The following FLRT2 variants were observed in gnomAD, a reference collection of about 807,000 sequenced individuals.
FLRT2 encodes the protein leucine-rich repeat transmembrane protein FLRT2.
FLRT2 carries 15 observed loss-of-function variants against 40.0 expected under a neutral mutation model. The ratio of observed to expected loss-of-function variants is 0.38; its 90% CI spans 0.25 to 0.58. The LOEUF is 0.58. Among genes scored for constraint, FLRT2 ranks in the 20% least tolerant of loss-of-function variants. FLRT2 has a pLI of 0.71. For synonymous variants in FLRT2, 380 were observed against 336.8 expected, an observed-to-expected ratio of 1.13 and a Z score of -1.41; for missense variants, 726 against 840.0, an observed-to-expected ratio of 0.86 and a Z score of 1.68.
At position 85,643,803 on chromosome 14, in the gene FLRT2, G is replaced by T. The variant is rs1347718178; in HGVS notation, c.*20306G>T. On this transcript the variant is annotated 3_prime_UTR_variant, in exon 2 of 2. Coordinates refer to ENST00000330753, the MANE Select transcript of FLRT2 (RefSeq NM_013231.6). ...CAAAATGTGCTCCCTGTTTAAGTGG[G>T]GTTGGTGGAATCCTGGAGTGACAGA... 6.6e-6 allele frequency: 1 copy of T among 152,202 alleles called. No individual in the cohort carries two copies. Among genetic ancestry groups the T allele is most frequent in the African/African-American group, 2.4e-5 (1 of 41,436 alleles). The allele number at this position is 152,202 out of a possible 1,614,324, so 9.4% of individuals were successfully genotyped here. A position where few individuals can be genotyped will look rare whatever the true frequency, so the allele number is the denominator to read the frequency against.
At chr14:85,549,646 C>T (rs984699900) in intron 1 of FLRT2, among the ~76,000 whole-genome samples, 8 of 152,120 alleles carry the variant, frequency 5.3e-5, no homozygotes, top group African/African-American at 1.9e-4. Flanking sequence ...GCTACTTCCT[C>T]AATTTTTCAG....
rs35764416 is a variant in FLRT2, at chr14:85,636,390, G to GAAAAAAAAAAAAAAA, written c.*12897_*12911dup. The GAAAAAAAAAAAAAAA allele has an allele frequency of 2.7e-5, 2 of 75,316 alleles. No homozygotes were observed. Among genetic ancestry groups the GAAAAAAAAAAAAAAA allele is most frequent in the Non-Finnish European group, 4.9e-5 (2 of 41,150 alleles). The allele number at this position is 75,316 out of a possible 1,614,324, so 4.7% of individuals were successfully genotyped here. ...AAAATCAAAGGTGAAGTCACCTGCA[G>GAAAAAAAAAAAAAAA]AAAAAAAAAAAAAAAAAACAAAAAA... On this transcript the variant is annotated 3_prime_UTR_variant, in exon 2 of 2. Coordinates refer to ENST00000330753, the MANE Select transcript of FLRT2 (RefSeq NM_013231.6).
rs915051555 is a variant in FLRT2 at position 85,654,400 on chromosome 14, T to TA, written c.*30909dup. 5 of 152,210 alleles carry TA rather than the reference T, an allele frequency of 3.3e-5. No individual in the cohort carries two copies. Among genetic ancestry groups the TA allele is most frequent in the African/African-American group, 9.6e-5 (4 of 41,468 alleles). 9.4% of individuals were successfully genotyped at this position (152,210 alleles called of 1,614,324 possible). On this transcript the variant is annotated 3_prime_UTR_variant, in exon 2 of 2. Transcript: ENST00000330753. Reference sequence around the variant, plus strand: ...TTCATATCTCTGTGCATACTCTTAATAAAAAATGGTATAATACATTTAAGC... The same window carrying TA: ...TTCATATCTCTGTGCATACTCTTAATAAAAAAATGGTATAATACATTTAAGC...
Position 85,552,375 on chromosome 14 carries a change from G to A in FLRT2, c.-377+21841G>A, listed in dbSNP as rs188984712. Among the ~76,000 whole-genome samples, 24 of 152,278 alleles carry A rather than the reference G, an allele frequency of 1.6e-4. No homozygotes were observed. In the East Asian group the frequency reaches 4.4e-3, roughly 28 times the overall value. ...TAGCAGTAATAAAACCCCTTGAAGAGTTGCCATGAGGATTAAATAAGATAA... is the reference window on the plus strand; with the variant it reads ...TAGCAGTAATAAAACCCCTTGAAGAATTGCCATGAGGATTAAATAAGATAA... On this transcript the variant is annotated intron_variant, in intron 1 of 1. Coordinates refer to ENST00000330753, the MANE Select transcript of FLRT2 (RefSeq NM_013231.6).
At chr14:85,550,578 G>A (rs575591294) in intron 1 of FLRT2, among the ~76,000 whole-genome samples, 6 of 152,088 alleles carry the variant, frequency 3.9e-5, no homozygotes, top group African/African-American at 9.6e-5. Flanking sequence ...ATTTTTTTCC[G>A]ATGAAAACCC....
intron 1 of FLRT2, among the ~76,000 whole-genome samples, chr14:85,573,839 G>T (rs967930416): frequency 5.9e-5 from 9 of 152,218 alleles, no homozygotes; most frequent in Non-Finnish European, 1.3e-4. Context: ...AGTAAACCCT[G>T]CTTTAAGTTT....
chr14:85,588,294 T>C lies in FLRT2; in HGVS notation c.-376-32845T>C, dbSNP rs534807277. Among the ~76,000 whole-genome samples the C allele has an allele frequency of 1.7e-3, 262 of 152,238 alleles. 7 individuals carry two copies. The highest frequency in any genetic ancestry group is 2.4e-3 in the Non-Finnish European group (162 of 68,014). Reference sequence around the variant, plus strand: ...AATAATAAAAATACTTCCAATTCAATAAACATTTCAGTAACTGGATGAAGG... The same window carrying C: ...AATAATAAAAATACTTCCAATTCAACAAACATTTCAGTAACTGGATGAAGG... On this transcript the variant is annotated intron_variant, in intron 1 of 1. Coordinates refer to ENST00000330753, the MANE Select transcript of FLRT2 (RefSeq NM_013231.6).
At chr14:85,611,305 G>T (rs1440162838) in intron 1 of FLRT2, among the ~76,000 whole-genome samples, 1 of 152,148 alleles carries the variant, frequency 6.6e-6, no homozygotes, top group Non-Finnish European at 1.5e-5. Context: ...ATGAATAAAT[G>T]CATGAGAAAT....
At chr14:85,560,026 T>C (rs1890208759) in intron 1 of FLRT2, among the ~76,000 whole-genome samples, 1 of 152,198 alleles carries the variant, frequency 6.6e-6, no homozygotes, top group Non-Finnish European at 1.5e-5. Context: ...AATCTGTTAA[T>C]GCTATTTTGT....
In FLRT2 at chr14:85,639,264, C is replaced by T. The variant is rs565394487; in HGVS notation, c.*15767C>T. 6.6e-6 allele frequency: 1 copy of T among 152,208 alleles called. No individual in the cohort carries two copies. The highest frequency in any genetic ancestry group is 2.1e-4 in the South Asian group (1 of 4,816). The allele number at this position is 152,208 out of a possible 1,614,324, so 9.4% of individuals were successfully genotyped here. ...CTTTTCCTTGACAAATTCAGTTAACCGGATGGCAAGTTGTTTATGAGCATG... is the reference window on the plus strand; with the variant it reads ...CTTTTCCTTGACAAATTCAGTTAACTGGATGGCAAGTTGTTTATGAGCATG... On this transcript the variant is annotated 3_prime_UTR_variant, in exon 2 of 2. Transcript: ENST00000330753.
Position 85,621,706 on chromosome 14 carries a change from C to G in FLRT2, c.192C>G (p.Gly64=). 6.2e-7 allele frequency: 1 copy of G among 1,614,094 alleles called. No individual in the cohort carries two copies. Among genetic ancestry groups the G allele is most frequent in the Non-Finnish European group, 8.5e-7 (1 of 1,180,020 alleles). ...LTSVPLGIPE[G]VTVLYLHNNQ... ...CAGTGCCTCTTGGGATCCCGGAGGGCGTAACTGTACTCTACCTCCACAACA... is the reference window on the plus strand; with the variant it reads ...CAGTGCCTCTTGGGATCCCGGAGGGGGTAACTGTACTCTACCTCCACAACA... Residue 64 remains glycine (G), a synonymous_variant, in exon 2 of 2, where the codon GGC becomes GGG. Transcript: ENST00000330753.
rs190839076 is a variant in FLRT2 at position 85,536,515 on chromosome 14, A to G, written c.-377+5981A>G. On this transcript the variant is annotated intron_variant, in intron 1 of 1. Transcript: ENST00000330753. The stretch of plus-strand genomic sequence containing the variant: ...CTTTTCTGGATAATCATCTTTTGAT[A>G]TCTTTAATTTCAATTCGAGTTCCTT... Among the ~76,000 whole-genome samples, 104 of 152,278 alleles carry G rather than the reference A, an allele frequency of 6.8e-4. 2 individuals are homozygous for G. Among genetic ancestry groups the G allele is most frequent in the Admixed American group, 9.8e-4 (15 of 15,294 alleles).
In FLRT2 at chr14:85,625,929, A is replaced by T. The variant is rs1893664596; in HGVS notation, c.*2432A>T. The stretch of plus-strand genomic sequence containing the variant: ...TTTGGGCCAGGAAGAACAAGGATGA[A>T]GAGGTTCCTGTCATTTCTTATGGGG... On this transcript the variant is annotated 3_prime_UTR_variant, in exon 2 of 2. Transcript: ENST00000330753. 1 of 167,098 alleles carries T rather than the reference A, an allele frequency of 6.0e-6. No homozygotes were observed. Among genetic ancestry groups the T allele is most frequent in the African/African-American group, 2.4e-5 (1 of 41,452 alleles). The allele number at this position is 167,098 out of a possible 1,614,324, so 10.4% of individuals were successfully genotyped here.
At chr14:85,542,280 T>TA (rs1257757611) in intron 1 of FLRT2, among the ~76,000 whole-genome samples, 2 of 152,188 alleles carry the variant, frequency 1.3e-5, no homozygotes, top group African/African-American at 4.8e-5. Context: ...GTACTGGGGT[T>TA]ATTTTTCATT....
Position 85,621,556 on chromosome 14 carries a change from T to A in FLRT2, c.42T>A (p.Phe14Leu). 4 of 1,613,986 alleles carry A rather than the reference T, an allele frequency of 2.5e-6. No homozygotes were observed. The highest frequency in any genetic ancestry group is 3.4e-6 in the Non-Finnish European group (4 of 1,179,936). The change falls in exon 2 of 2, where the codon TTT (phenylalanine) becomes TTA (leucine). Residue 14 changes from phenylalanine to leucine, a missense_variant. Physicochemically the swap from Phe to Leu is conservative, Grantham distance 22 (BLOSUM62 0). This residue lies in a region of FLRT2 where 106 missense variants were observed against 121.2 expected (regional missense o/e 0.87). Coordinates refer to ENST00000330753, the MANE Select transcript of FLRT2 (RefSeq NM_013231.6). ...CAAAGTGGCCCAGCCATGGGGCTTT[T>A]TTCCTGAAGTCTTGGCTTATCATTT... ...QTTKWPSHGA[F>L]FLKSWLIISL...
At position 85,644,821 on chromosome 14, in the gene FLRT2, G is replaced by C. The variant is rs1265686593; in HGVS notation, c.*21324G>C. The C allele has an allele frequency of 1.3e-5, 2 of 152,084 alleles. No homozygotes were observed. The highest frequency in any genetic ancestry group is 3.8e-4 in the East Asian group (2 of 5,208). 9.4% of individuals were successfully genotyped at this position (152,084 alleles called of 1,614,324 possible). A position where few individuals can be genotyped will look rare whatever the true frequency, so the allele number is the denominator to read the frequency against. On this transcript the variant is annotated 3_prime_UTR_variant, in exon 2 of 2. Coordinates refer to ENST00000330753, the MANE Select transcript of FLRT2 (RefSeq NM_013231.6). ...GTCCAGGCTGCTGTCTTTGCTACTTGGTTACAATGATCCAGCAAATTCAAC... is the reference window on the plus strand; with the variant it reads ...GTCCAGGCTGCTGTCTTTGCTACTTCGTTACAATGATCCAGCAAATTCAAC...
At chr14:85,585,712 C>T (rs532094083) in intron 1 of FLRT2, among the ~76,000 whole-genome samples, 23 of 151,758 alleles carry the variant, frequency 1.5e-4, no homozygotes, top group African/African-American at 5.1e-4. Flanking sequence ...ATGGGTGAAC[C>T]TTGTTTTTCT....
chr14:85,532,406 C>T (rs1371896970), intron 1 of FLRT2, among the ~76,000 whole-genome samples: 1 of 152,224 alleles, frequency 6.6e-6, no homozygotes, highest in African/African-American at 2.4e-5. Flanking sequence ...AAAACATCTC[C>T]TCCTTCCTAA....
intron 1 of FLRT2, among the ~76,000 whole-genome samples, chr14:85,589,194 CT>C (rs1253474290): frequency 6.6e-6 from 1 of 152,286 alleles, no homozygotes; most frequent in East Asian, 1.9e-4. Context: ...CCAAACTGTT[CT>C]CCACAGTGGT....
Sources: gnomAD v4.1 joint callset for allele counts (sites outside exome capture counted in the v4.1 genomes callset) on GRCh38, gnomAD v4.1.1 for gene constraint, gnomAD v4.1.1 regional missense constraint, MANE v1.5 for transcripts, NCBI Gene and HGNC (gene_info 2026-07-23, HGNC 2026-07-21) for gene names.